The following CLK2 variants were observed in gnomAD, a reference collection of about 807,000 sequenced individuals.
The protein encoded by CLK2 is CDC like kinase 2.
A neutral mutation model predicts 73.5 loss-of-function variants in CLK2; 12 were observed. That is an observed-to-expected ratio of 0.16 (90% CI 0.10 to 0.26). The LOEUF (loss-of-function observed/expected upper bound fraction) is 0.26. CLK2 is among the 10% of genes least tolerant of loss of function. CLK2 has a pLI of 1.00. For missense variants in CLK2, 509 were observed against 688.4 expected (o/e 0.74, Z 2.92); for synonymous variants, 232 against 237.9 (o/e 0.98, Z 0.23).
chr1:155,263,938 A>G lies in CLK2; in HGVS notation c.1317+12T>C. The G allele has an allele frequency of 1.9e-6, 3 of 1,612,888 alleles. No homozygotes were observed. The highest frequency in any genetic ancestry group is 2.5e-6 in the Non-Finnish European group (3 of 1,178,924). On this transcript the variant is annotated intron_variant, in intron 12 of 12. Coordinates refer to ENST00000368361, the MANE Select transcript of CLK2 (RefSeq NM_001294338.2). The stretch of plus-strand genomic sequence containing the variant: ...TGGACGGTGGGCACTATTTATCCCG[A>G]GCCCAGCTCACCCGCAGCGGTTTGC...
rs1673599073 is a variant in CLK2 at position 155,273,301 on chromosome 1, C to T, written c.-101G>A. ...GCACCCCCGCGGCGACGAAATGCTG[C>T]TCCACCCCCCCAACCCGGGACCCTG... On this transcript the variant is annotated 5_prime_UTR_variant, in exon 1 of 13. Coordinates refer to ENST00000368361, the MANE Select transcript of CLK2 (RefSeq NM_001294338.2). The T allele has an allele frequency of 6.6e-6, 1 of 152,320 alleles. No homozygotes were observed. Among genetic ancestry groups the T allele is most frequent in the Admixed American group, 6.5e-5 (1 of 15,276 alleles). The allele number at this position is 152,320 out of a possible 1,614,324, so 9.4% of individuals were successfully genotyped here. A position where few individuals can be genotyped will look rare whatever the true frequency, so the allele number is the denominator to read the frequency against.
Position 155,268,413 on chromosome 1 carries a change from G to A in CLK2, c.488-54C>T. ...GAGGGAGGGAGAGAAGGTGGGGAAT[G>A]AGCTGAGTTGGAAGAAAAAAGGGGA... On this transcript the variant is annotated intron_variant, in intron 4 of 12. Transcript: ENST00000368361. The surrounding 1 kb of genome is among the most constrained non-coding windows in gnomAD (Gnocchi z 5.6). 6.7e-7 allele frequency: 1 copy of A among 1,490,782 alleles called. No individual in the cohort carries two copies. The highest frequency in any genetic ancestry group is 1.7e-4 in the Middle Eastern group (1 of 5,776). 92.3% of individuals were successfully genotyped at this position (1,490,782 alleles called of 1,614,324 possible).
chr1:155,264,049 GA>G lies in CLK2; in HGVS notation c.1227-10del. The stretch of plus-strand genomic sequence containing the variant: ...AAAAATATTTCTGCTTTCTAGAGGG[GA>G]AGGGGAGGTTGAGGAATCAGAAGGT... On this transcript the variant is annotated splice_polypyrimidine_tract_variant and intron_variant, in intron 11 of 12. Coordinates refer to ENST00000368361, the MANE Select transcript of CLK2 (RefSeq NM_001294338.2). The G allele has an allele frequency of 6.2e-7, 1 of 1,611,016 alleles. No individual in the cohort carries two copies. Among genetic ancestry groups the G allele is most frequent in the African/African-American group, 1.3e-5 (1 of 74,978 alleles).
At chr1:155,263,654 A>G in intron 12 of CLK2, 1 of 984,736 alleles carries the variant, frequency 1.0e-6, no homozygotes, top group Non-Finnish European at 1.2e-6. Context: ...AATCTTCTTT[A>G]GTTCCTCATT....
In CLK2 at chr1:155,263,355, G is replaced by A. The variant is rs369716792; in HGVS notation, c.1363C>T (p.Leu455=). 9 of 1,614,194 alleles carry A rather than the reference G, an allele frequency of 5.6e-6. No homozygotes were observed. The highest frequency in any genetic ancestry group is 7.6e-6 in the Non-Finnish European group (9 of 1,180,050). Residue 455 remains leucine (L), a synonymous_variant, in exon 13 of 13, where the codon CTG becomes TTG. Coordinates refer to ENST00000368361, the MANE Select transcript of CLK2 (RefSeq NM_001294338.2). ...EAEEHHQLFD[L]IESMLEYEPA... ...TCATACTCTAGCATGCTTTCAATCA[G>A]ATCGAAGAGCTGGTGGTGTTCCTCT...
At chr1:155,267,312 C>T (rs185715582) in intron 6 of CLK2, among the ~76,000 whole-genome samples, 66 of 152,212 alleles carry the variant, frequency 4.3e-4, no homozygotes, top group Admixed American at 4.2e-3. Flanking sequence ...AGGCTGGTCT[C>T]GAACTCCTGA....
At chr1:155,264,118 T>A (rs1673117303) in intron 11 of CLK2, 78 bp from the exon 12 acceptor site, 3 of 1,553,286 alleles carry the variant, frequency 1.9e-6, no homozygotes, top group African/African-American at 1.4e-5. Context: ...TGAAAGTAAC[T>A]GGGGGGAGAG....
chr1:155,269,289 G>C, intron 3 of CLK2, 199 bp downstream of exon 3: 1 of 610,196 alleles, frequency 1.6e-6, no homozygotes, highest in South Asian at 2.0e-5. Flanking sequence ...GGTCACAAAT[G>C]CTCCGTGCCC....
chr1:155,270,823 T>C lies in CLK2; in HGVS notation c.155A>G (p.His52Arg), dbSNP rs983903046. Residue 52 changes from histidine to arginine, a missense_variant, in exon 2 of 13, where the codon CAT becomes CGT. This residue lies in a region of CLK2 where 222 missense variants were observed against 221.7 expected (regional missense o/e 1.00). Transcript: ENST00000368361. The part of the protein sequence containing the change: ...TRRRRREDSY[H>R]VRSRSSYDDR... ...GAGGCCTCACCTTCGAGAACGGACA[T>C]GGTAGCTGTCCTCTCGCCGACGCCG... 1 of 1,609,440 alleles carries C rather than the reference T, an allele frequency of 6.2e-7. No individual in the cohort carries two copies. The highest frequency in any genetic ancestry group is 1.3e-5 in the African/African-American group (1 of 74,874).
chr1:155,265,990 G>T, intron 7 of CLK2, 36 bp from the exon 8 acceptor site: 1 of 1,461,488 alleles, frequency 6.8e-7, no homozygotes, highest in Non-Finnish European at 9.6e-7. Flanking sequence ...CTTGGTGCAG[G>T]TGGCCAGAGC....
In CLK2 at chr1:155,270,964, C is replaced by G. The variant is rs776525886; in HGVS notation, c.14G>C (p.Arg5Pro). The change falls in exon 2 of 13, where the codon CGA becomes CCA. Residue 5 changes from arginine (R) to proline (P), a missense_variant. Arg to Pro is a moderately radical substitution (Grantham distance 103). Coordinates refer to ENST00000368361, the MANE Select transcript of CLK2 (RefSeq NM_001294338.2). ...GCCTCGCTCTGAGGAGTGGTACCTT[C>G]GAGGATGCGGCATCTGGAAGGCAAG... is the stretch of plus-strand genomic sequence containing the variant. MPHP[R>P]RYHSSERGSR... is the part of the protein sequence containing the mutation. 6.2e-7 allele frequency: 1 copy of G among 1,609,934 alleles called. No individual in the cohort carries two copies. Among genetic ancestry groups the G allele is most frequent in the South Asian group, 1.1e-5 (1 of 91,004 alleles).
In CLK2 at chr1:155,264,021, G is replaced by A. The variant is rs368819963; in HGVS notation, c.1246C>T (p.Arg416Trp). The A allele has an allele frequency of 9.9e-6, 16 of 1,613,908 alleles. No homozygotes were observed. Among genetic ancestry groups the A allele is most frequent in the Non-Finnish European group, 1.3e-5 (15 of 1,179,948 alleles). ...RKTRKQKYFYRGRLDWDENTS... is the reference protein window; with the variant it reads ...RKTRKQKYFYWGRLDWDENTS... Reference sequence around the variant, plus strand: ...TTCTCATCCCAATCCAGGCGACCCCGGTAAAAATATTTCTGCTTTCTAGAG... The same window carrying A: ...TTCTCATCCCAATCCAGGCGACCCCAGTAAAAATATTTCTGCTTTCTAGAG... Residue 416 changes from arginine to tryptophan, a missense_variant, in exon 12 of 13, where the codon CGG becomes TGG. Arg to Trp is a moderately radical substitution (Grantham distance 101). This residue lies in a region of CLK2 where 134 missense variants were observed against 146.0 expected (regional missense o/e 0.92). Coordinates refer to ENST00000368361, the MANE Select transcript of CLK2 (RefSeq NM_001294338.2).
chr1:155,265,832 A>AACCAAGGGCAG, intron 8 of CLK2, 28 bp downstream of exon 8: 1 of 1,459,164 alleles, frequency 6.9e-7, no homozygotes, highest in Non-Finnish European at 9.6e-7. Flanking sequence ...TGCCCCCAGT[A>AACCAAGGGCAG]ACCAAGGGCA....
intron 7 of CLK2, 99 bp from the exon 8 acceptor site, chr1:155,266,053 G>C: frequency 1.3e-6 from 1 of 791,222 alleles, no homozygotes; most frequent in Non-Finnish European, 2.3e-6. Context: ...AGCCAGTGAG[G>C]AGACAGGTCC....
In CLK2 at chr1:155,268,415, G is replaced by C; in HGVS notation, c.488-56C>G. 6.7e-7 allele frequency: 1 copy of C among 1,485,776 alleles called. No individual in the cohort carries two copies. The highest frequency in any genetic ancestry group is 9.4e-7 in the Non-Finnish European group (1 of 1,064,712). 92.0% of individuals were successfully genotyped at this position (1,485,776 alleles called of 1,614,324 possible). On this transcript the variant is annotated intron_variant, in intron 4 of 12. Coordinates refer to ENST00000368361, the MANE Select transcript of CLK2 (RefSeq NM_001294338.2). The surrounding 1 kb of genome is among the most constrained non-coding windows in gnomAD (Gnocchi z 5.6). The stretch of plus-strand genomic sequence containing the variant: ...GGGAGGGAGAGAAGGTGGGGAATGA[G>C]CTGAGTTGGAAGAAAAAAGGGGACA...
chr1:155,269,849 C>CAGAGAGGACCAAGGGACCAGAGAAG, intron 2 of CLK2, 133 bp from the exon 3 acceptor site: 1 of 780,984 alleles, frequency 1.3e-6, no homozygotes. Flanking sequence ...TGTTGAGTCA[C>CAGAGAGGACCAAGGGACCAGAGAAG]TGAGAGGACC....
chr1:155,272,710 C>T (rs960583558), intron 1 of CLK2, among the ~76,000 whole-genome samples: 2 of 152,178 alleles, frequency 1.3e-5, no homozygotes, highest in Non-Finnish European at 2.9e-5. Flanking sequence ...AGCATAGCCA[C>T]ATAAATGCCA....
rs199998108 is a variant in CLK2 at position 155,268,130 on chromosome 1, T to C, written c.555-4A>G. The C allele has an allele frequency of 1.2e-6, 2 of 1,612,904 alleles. No homozygotes were observed. The highest frequency in any genetic ancestry group is 2.2e-5 in the East Asian group (1 of 44,886). On this transcript the variant is annotated splice_region_variant and splice_polypyrimidine_tract_variant and intron_variant, in intron 5 of 12. Transcript: ENST00000368361. This position sits in a 1 kb window ranked among gnomAD's most constrained non-coding sequence, Gnocchi z 5.6. ...CAGGGCAACTCGAGCCCCACCCCTG[T>C]AAGTTGGCAGGAGAGGCTTTTGCTG...
In CLK2 at chr1:155,269,683, C is replaced by T; in HGVS notation, c.204G>A (p.Val68=). 1.2e-6 allele frequency: 2 copies of T among 1,614,240 alleles called. No homozygotes were observed. Among genetic ancestry groups the T allele is most frequent in the African/African-American group, 2.7e-5 (2 of 75,046 alleles). The change falls in exon 3 of 13, where the codon GTG becomes GTA. Residue 68 remains valine (V), a synonymous_variant. Coordinates refer to ENST00000368361, the MANE Select transcript of CLK2 (RefSeq NM_001294338.2). The stretch of plus-strand genomic sequence containing the variant: ...AGCTGCCACAGTATCGCCGGTCATA[C>T]ACCCTCCGGTCGGACGAACGATCAT... The part of the protein sequence containing the change: ...SYDDRSSDRR[V]YDRRYCGSYR...
Sources: allele counts gnomAD v4.1 joint callset (sites outside exome capture counted in the v4.1 genomes callset), GRCh38; gene constraint gnomAD v4.1.1; regional missense constraint gnomAD v4.1.1; non-coding constraint Gnocchi (gnomAD v3.1); transcripts MANE v1.5; gene names NCBI Gene and HGNC (gene_info 2026-07-23, HGNC 2026-07-21).